Variants in RANGAP1 observed in about 807,000 individuals in gnomAD.
The protein encoded by RANGAP1 is Ran GTPase activating protein 1, also known as ran GTPase-activating protein 1.
In RANGAP1, 38 loss-of-function variants were observed where a neutral mutation model predicts 63.5. The observed-to-expected ratio is 0.60, with a 90% CI of 0.46 to 0.78. The LOEUF (loss-of-function observed/expected upper bound fraction) is 0.78, where lower values mean the gene tolerates loss of function less well. RANGAP1 is among the 30% of genes least tolerant of loss of function. The pLI is 0.00. For missense variants in RANGAP1, 630 were observed against 740.3 expected, an observed-to-expected ratio of 0.85 and a Z score of 1.73; for synonymous variants, 329 against 310.5, an observed-to-expected ratio of 1.06 and a Z score of -0.63.
At chr22:41,268,260 TTTTC>T in intron 3 of RANGAP1, 104 bp from the exon 4 acceptor site, 1 of 1,009,470 alleles carries the variant, frequency 9.9e-7, no homozygotes, top group Non-Finnish European at 1.5e-6. Flanking sequence ...CACAAGACTT[TTTTC>T]TTTTTTTTGA....
At chr22:41,300,475 CACACAT>C in the RANGAP1 span, among the ~76,000 whole-genome samples, 1 of 38,144 alleles carries the variant, frequency 2.6e-5, no homozygotes, top group East Asian at 3.7e-4. Flanking sequence ...CACACACACA[CACACAT>C]ATATTTCTGG....
Position 41,261,199 on chromosome 22 carries a change from C to A in RANGAP1, c.615+247G>T, listed in dbSNP as rs573785931. ...TCAGAGTGGCCTGCCTGGCCTGAAG[C>A]CCCATAGGGGCTGGCTCACCAGTGG... is the stretch of plus-strand genomic sequence containing the variant. On this transcript the variant is annotated intron_variant, in intron 6 of 15. Coordinates refer to ENST00000356244, the MANE Select transcript of RANGAP1 (RefSeq NM_002883.4). Among the ~76,000 whole-genome samples the A allele has an allele frequency of 7.2e-5, 11 of 152,372 alleles. No individual in the cohort carries two copies. The East Asian group carries it at 1.7e-3, about 24-fold the overall frequency.
Position 41,268,157 on chromosome 22 carries a change from C to T in RANGAP1, c.241-1G>A. 1.3e-6 allele frequency: 2 copies of T among 1,550,098 alleles called. No individual in the cohort carries two copies. Among genetic ancestry groups the T allele is most frequent in the Non-Finnish European group, 1.7e-6 (2 of 1,144,444 alleles). On this transcript the variant is annotated splice_acceptor_variant, in intron 3 of 15. Transcript: ENST00000356244. LOFTEE classifies it high-confidence loss of function. Reference sequence around the variant, plus strand: ...TGAACATGTCACTCCAGTGGCAGCGCTGCAACGGAAAGAAGAGAAGAGTTA... The same window carrying T: ...TGAACATGTCACTCCAGTGGCAGCGTTGCAACGGAAAGAAGAGAAGAGTTA...
Position 41,252,898 on chromosome 22 carries a change from TG to T in RANGAP1, c.1353del (p.Lys452ArgfsTer5). The T allele has an allele frequency of 6.3e-7, 1 of 1,574,906 alleles. No individual in the cohort carries two copies. The highest frequency in any genetic ancestry group is 1.8e-5 in the Admixed American group (1 of 54,316). ...TGCTGGGCTATCAGCACGGAGCTCTTGGGCCCTAGGCGCAGCAGCTTCTCTG... is the reference window on the plus strand; with the variant it reads ...TGCTGGGCTATCAGCACGGAGCTCTTGGCCCTAGGCGCAGCAGCTTCTCTG... ...PSPEKLLRLG[P>X]KSSVLIAQQT... is the part of the protein sequence containing the mutation. On this transcript the variant is annotated frameshift_variant, in exon 12 of 16. Coordinates refer to ENST00000356244, the MANE Select transcript of RANGAP1 (RefSeq NM_002883.4). LOFTEE classifies it high-confidence loss of function.
rs527659554 is a variant in RANGAP1, at chr22:41,257,857, T to C, written c.774+91A>G. On this transcript the variant is annotated intron_variant, in intron 7 of 15. Transcript: ENST00000356244. The surrounding 1 kb of genome is among the most constrained non-coding windows in gnomAD (Gnocchi z 4.0). ...AGGGGGCAGGCAGGGGGTAGAGGAG[T>C]CCCTGCTAAACGGAGCCCCAGCTTC... is the stretch of plus-strand genomic sequence containing the variant. 3,326 of 1,411,970 alleles carry C rather than the reference T, an allele frequency of 2.4e-3. 8 individuals are homozygous for C. The highest frequency in any genetic ancestry group is 2.6e-3 in the Non-Finnish European group (2,659 of 1,042,582). 87.5% of individuals were successfully genotyped at this position (1,411,970 alleles called of 1,614,324 possible).
rs1275068336 is a variant in RANGAP1 at position 41,261,429 on chromosome 22, G to A, written c.615+17C>T. On this transcript the variant is annotated intron_variant, in intron 6 of 15. Transcript: ENST00000356244. ...CACCTCAAGGCTGCAGGGGCAGGAT[G>A]GACAGAAACCACTCACCCTAAAAGC... 3.7e-6 allele frequency: 6 copies of A among 1,614,084 alleles called. No individual in the cohort carries two copies. The highest frequency in any genetic ancestry group is 1.1e-5 in the South Asian group (1 of 91,072).
chr22:41,259,065 G>A (rs1372876949), intron 6 of RANGAP1, among the ~76,000 whole-genome samples: 1 of 151,846 alleles, frequency 6.6e-6, no homozygotes, highest in Non-Finnish European at 1.5e-5. Flanking sequence ...TCCAGTGTGC[G>A]TTCCTCTGTG....
intron 1 of RANGAP1, among the ~76,000 whole-genome samples, chr22:41,284,685 A>G (rs2035667552): frequency 6.6e-6 from 1 of 152,168 alleles, no homozygotes; most frequent in African/African-American, 2.4e-5. Flanking sequence ...CAGCCTGGGC[A>G]GTATGCCGAA....
At chr22:41,301,208 T>C in the RANGAP1 span, among the ~76,000 whole-genome samples, 2 of 151,796 alleles carry the variant, frequency 1.3e-5, no homozygotes, top group African/African-American at 4.8e-5. Flanking sequence ...CAGCCTTCCA[T>C]GAAAGCACCT....
At chr22:41,287,966 CAA>C (rs772259401), upstream of RANGAP1, among the ~76,000 whole-genome samples, 4 of 152,206 alleles carry the variant, frequency 2.6e-5, no homozygotes, top group Non-Finnish European at 4.4e-5. Context: ...GCCTGGGCAA[CAA>C]GAGCGAAACT....
chr22:41,266,496 T>G (rs1000958916), intron 4 of RANGAP1, among the ~76,000 whole-genome samples: 5 of 152,224 alleles, frequency 3.3e-5, no homozygotes, highest in Non-Finnish European at 7.3e-5. Flanking sequence ...ACAGTGAGTA[T>G]GCAAAAGAGA....
chr22:41,295,505 C>A, the RANGAP1 span, among the ~76,000 whole-genome samples: 2 of 151,744 alleles, frequency 1.3e-5, no homozygotes, highest in Non-Finnish European at 2.9e-5. Context: ...AGGCAGCATG[C>A]TCCTTAAGAG....
rs747541412 is a variant in RANGAP1 at position 41,256,337 on chromosome 22, G to T, written c.889-47C>A. On this transcript the variant is annotated intron_variant, in intron 8 of 15. Transcript: ENST00000356244. ...GGAGGCAGGCAGAAACCCGGGCCAG[G>T]ACACCAGGTTCTACTCTAAGCCTCA... The T allele has an allele frequency of 2.5e-6, 4 of 1,576,822 alleles. No individual in the cohort carries two copies. The South Asian group carries it at 4.5e-5, about 18-fold the overall frequency.
chr22:41,298,443 G>T, the RANGAP1 span, among the ~76,000 whole-genome samples: 1 of 151,812 alleles, frequency 6.6e-6, no homozygotes, highest in Non-Finnish European at 1.5e-5. Context: ...GCCTCCTGAG[G>T]AGCTGGGATT....
chr22:41,271,384 T>C, intron 3 of RANGAP1, among the ~76,000 whole-genome samples: 1 of 89,512 alleles, frequency 1.1e-5, no homozygotes, highest in African/African-American at 3.9e-5. Flanking sequence ...TGAAACTGTC[T>C]CTAAAAAAAA....
chr22:41,255,565 C>T (rs940141554), intron 10 of RANGAP1, among the ~76,000 whole-genome samples: 4 of 149,450 alleles, frequency 2.7e-5, no homozygotes, highest in Admixed American at 6.7e-5. Flanking sequence ...GGCCCCACCA[C>T]ATCAGGATGA....
At chr22:41,297,303 C>G in the RANGAP1 span, among the ~76,000 whole-genome samples, 1 of 152,120 alleles carries the variant, frequency 6.6e-6, no homozygotes, top group East Asian at 1.9e-4. Flanking sequence ...CTTTTTTGTT[C>G]TATTCAGGTC....
At position 41,259,003 on chromosome 22, in the gene RANGAP1, G is replaced by A. The variant is rs539630209; in HGVS notation, c.616-897C>T. Among the ~76,000 whole-genome samples, 5 of 152,054 alleles carry A rather than the reference G, an allele frequency of 3.3e-5. No homozygotes were observed. The South Asian group carries it at 1.0e-3, about 32-fold the overall frequency. ...AACTCATATGAGTTCTAGGGCTCTT[G>A]TTTTGGTCACCTCCTCTCCCAGGAA... On this transcript the variant is annotated intron_variant, in intron 6 of 15. Coordinates refer to ENST00000356244, the MANE Select transcript of RANGAP1 (RefSeq NM_002883.4).
In RANGAP1 at chr22:41,258,030, G is replaced by A. The variant is rs772732178; in HGVS notation, c.692C>T (p.Ala231Val). The A allele has an allele frequency of 2.5e-6, 4 of 1,613,282 alleles. No individual in the cohort carries two copies. The highest frequency in any genetic ancestry group is 3.4e-6 in the Non-Finnish European group (4 of 1,179,622). ...NHPGITALAQ[A>V]FAVNPLLRVI... ...CCGCAGCAGGGGGTTGACAGCGAAA[G>A]CCTGGGCCAGGGCAGTGATGCCAGG... Residue 231 changes from alanine to valine, a missense_variant, in exon 7 of 16, where the codon GCT becomes GTT. Coordinates refer to ENST00000356244, the MANE Select transcript of RANGAP1 (RefSeq NM_002883.4).
Sources: gnomAD v4.1 joint callset for allele counts (sites outside exome capture counted in the v4.1 genomes callset) on GRCh38, gnomAD v4.1.1 for gene constraint, Gnocchi (gnomAD v3.1) non-coding constraint, MANE v1.5 for transcripts, NCBI Gene and HGNC (gene_info 2026-07-23, HGNC 2026-07-21) for gene names.